The following STAT4 variants were observed in gnomAD, a reference collection of about 807,000 sequenced individuals.
STAT4 encodes the protein signal transducer and activator of transcription 4.
A neutral mutation model predicts 110.5 loss-of-function variants in STAT4; 42 were observed. The ratio of observed to expected loss-of-function variants is 0.38; its 90% confidence interval spans 0.30 to 0.49. The LOEUF (loss-of-function observed/expected upper bound fraction) is 0.49. Among genes scored for constraint, STAT4 ranks in the 20% least tolerant of loss-of-function variants. The pLI is 0.95. For missense variants in STAT4, 632 were observed against 887.9 expected, an observed-to-expected ratio of 0.71 and a Z score of 3.66; for synonymous variants, 284 against 302.2, an observed-to-expected ratio of 0.94 and a Z score of 0.63.
chr2:191,069,996 C>G (rs948942147), intron 5 of STAT4, among the ~76,000 whole-genome samples: 14 of 152,266 alleles, frequency 9.2e-5, no homozygotes, highest in Admixed American at 2.6e-4. Flanking sequence ...TTTTACTTGC[C>G]TGGAAGTCTT....
rs754410186 is a variant in STAT4, at chr2:191,131,833, T to C, written c.273+14780A>G. On this transcript the variant is annotated intron_variant, in intron 3 of 23. Transcript: ENST00000392320. The stretch of plus-strand genomic sequence containing the variant: ...AGAAGCTAAGTCCTAGGGACAAGAT[T>C]TGGACCTTTGAATGCAGGTTTCTCC... 12 of 1,442,714 alleles carry C rather than the reference T, an allele frequency of 8.3e-6. No individual in the cohort carries two copies. The Middle Eastern group carries it at 5.4e-4, about 65-fold the overall frequency. 89.4% of individuals were successfully genotyped at this position (1,442,714 alleles called of 1,614,324 possible).
At chr2:191,114,480 T>A (rs146207039) in intron 3 of STAT4, among the ~76,000 whole-genome samples, 2 of 152,322 alleles carry the variant, frequency 1.3e-5, no homozygotes, top group African/African-American at 2.4e-5. Context: ...CATTTCAGTA[T>A]CGTTTTTCTT....
intron 6 of STAT4, among the ~76,000 whole-genome samples, chr2:191,067,192 A>G (rs544540293): frequency 3.9e-5 from 6 of 152,172 alleles, no homozygotes; most frequent in Admixed American, 1.3e-4. Flanking sequence ...ATAAATAAAC[A>G]TTATATTATT....
In STAT4 at chr2:191,032,558, G is replaced by T. The variant is rs1695927230; in HGVS notation, c.2044+400C>A. Among the ~76,000 whole-genome samples, 1 of 152,084 alleles carries T rather than the reference G, an allele frequency of 6.6e-6. No homozygotes were observed. Among genetic ancestry groups the T allele is most frequent in the African/African-American group, 2.4e-5 (1 of 41,402 alleles). On this transcript the variant is annotated intron_variant, in intron 21 of 23. Coordinates refer to ENST00000392320, the MANE Select transcript of STAT4 (RefSeq NM_003151.4). This position sits in a 1 kb window ranked among gnomAD's most constrained non-coding sequence, Gnocchi z 4.9. ...AAATATAAAACTTATAAACCCTGGG[G>T]TTCCTTTGCAATATACAGACTTGTT... is the stretch of plus-strand genomic sequence containing the variant.
At chr2:191,047,630 G>A (rs1389495741) in intron 14 of STAT4, among the ~76,000 whole-genome samples, 1 of 151,996 alleles carries the variant, frequency 6.6e-6, no homozygotes, top group Non-Finnish European at 1.5e-5. Context: ...CCTCTTATAG[G>A]TCCCATCACT....
intron 3 of STAT4, among the ~76,000 whole-genome samples, chr2:191,127,824 T>C (rs944447937): frequency 2.0e-5 from 3 of 152,214 alleles, no homozygotes; most frequent in African/African-American, 7.2e-5. Flanking sequence ...AGGGAAAGGA[T>C]GAATCGTCAT....
chr2:191,033,271 G>T lies in STAT4; in HGVS notation c.1853-122C>A. On this transcript the variant is annotated intron_variant, in intron 20 of 23. Coordinates refer to ENST00000392320, the MANE Select transcript of STAT4 (RefSeq NM_003151.4). The surrounding 1 kb of genome is among the most constrained non-coding windows in gnomAD (Gnocchi z 6.9). ...ACTTGTCAGTTCATGTCACTTCAAT[G>T]TCAGACCTTCTGCTGTCTGGACAGT... is the stretch of plus-strand genomic sequence containing the variant. 1 of 1,186,828 alleles carries T rather than the reference G, an allele frequency of 8.4e-7. No individual in the cohort carries two copies. The highest frequency in any genetic ancestry group is 1.2e-6 in the Non-Finnish European group (1 of 851,138). 73.5% of individuals were successfully genotyped at this position (1,186,828 alleles called of 1,614,324 possible).
At chr2:191,127,045 C>G (rs1698900564) in intron 3 of STAT4, among the ~76,000 whole-genome samples, 1 of 151,470 alleles carries the variant, frequency 6.6e-6, no homozygotes, top group Non-Finnish European at 1.5e-5. Context: ...TGGAGGCTAA[C>G]TTTTGTGTTA....
At position 191,143,745 on chromosome 2, in the gene STAT4, A is replaced by G. The variant is rs1450739968; in HGVS notation, c.273+2868T>C. Reference sequence around the variant, plus strand: ...TGTATTTAAAATCCCAGAGGATGAAAATATTTAAACCAGATAAGCACAGCG... The same window carrying G: ...TGTATTTAAAATCCCAGAGGATGAAGATATTTAAACCAGATAAGCACAGCG... On this transcript the variant is annotated intron_variant, in intron 3 of 23. Transcript: ENST00000392320. This position sits in a 1 kb window ranked among gnomAD's most constrained non-coding sequence, Gnocchi z 5.6. Among the ~76,000 whole-genome samples, 2 of 152,172 alleles carry G rather than the reference A, an allele frequency of 1.3e-5. No individual in the cohort carries two copies. The highest frequency in any genetic ancestry group is 2.9e-5 in the Non-Finnish European group (2 of 68,036).
chr2:191,098,843 GA>G (rs1335926074), intron 3 of STAT4, among the ~76,000 whole-genome samples: 3 of 151,988 alleles, frequency 2.0e-5, no homozygotes, highest in Admixed American at 6.6e-5. Flanking sequence ...AGAATCCCTA[GA>G]AACTATACAA....
At chr2:191,041,998 C>A (rs534088400) in intron 14 of STAT4, among the ~76,000 whole-genome samples, 2 of 152,282 alleles carry the variant, frequency 1.3e-5, no homozygotes, top group Middle Eastern at 6.8e-3. Context: ...ACGGTTAAGC[C>A]CATGCTTGCC....
rs1363605177 is a variant in STAT4, at chr2:191,046,165, G to A, written c.1252-5017C>T. The stretch of plus-strand genomic sequence containing the variant: ...GAGTTCAATGGTGCAGAACATTTGA[G>A]AGGCCTCAGGCAAGTGCACAGATAG... On this transcript the variant is annotated intron_variant, in intron 14 of 23. Transcript: ENST00000392320. The surrounding 1 kb of genome is among the most constrained non-coding windows in gnomAD (Gnocchi z 4.6). Among the ~76,000 whole-genome samples the A allele has an allele frequency of 1.3e-5, 2 of 152,228 alleles. No individual in the cohort carries two copies. The highest frequency in any genetic ancestry group is 2.9e-5 in the Non-Finnish European group (2 of 68,034).
Position 191,148,140 on chromosome 2 carries a change from A to G in STAT4, c.64T>C (p.Tyr22His). Residue 22 changes from tyrosine to histidine, a missense_variant, in exon 2 of 24, where the codon TAT becomes CAT. By Grantham distance (83) the Tyr-to-His change is moderately conservative (BLOSUM62 2). Transcript: ENST00000392320. ...ATTTCCATGGGAAAGTTGTCATCAT[A>G]GAATTGATCCACCTGCTCCAAAAAC... ...IKFLEQVDQF[Y>H]DDNFPMEIRH... is the part of the protein sequence containing the mutation. The G allele has an allele frequency of 6.2e-7, 1 of 1,614,022 alleles. No homozygotes were observed. Among genetic ancestry groups the G allele is most frequent in the South Asian group, 1.1e-5 (1 of 91,074 alleles).
In STAT4 at chr2:191,142,839, T is replaced by C. The variant is rs1311787875; in HGVS notation, c.273+3774A>G. Among the ~76,000 whole-genome samples, 8 of 152,004 alleles carry C rather than the reference T, an allele frequency of 5.3e-5. No individual in the cohort carries two copies. The highest frequency in any genetic ancestry group is 1.3e-4 in the Admixed American group (2 of 15,258). On this transcript the variant is annotated intron_variant, in intron 3 of 23. Coordinates refer to ENST00000392320, the MANE Select transcript of STAT4 (RefSeq NM_003151.4). This position sits in a 1 kb window ranked among gnomAD's most constrained non-coding sequence, Gnocchi z 4.1. ...TGGGAAGCGAGAGAAGGATGAATAT[T>C]GGAGAGGACAGGAGATTTTCAGGGG...
At chr2:191,134,312 C>G (rs1203377277) in intron 3 of STAT4, among the ~76,000 whole-genome samples, 4 of 152,202 alleles carry the variant, frequency 2.6e-5, no homozygotes, top group African/African-American at 4.8e-5. Flanking sequence ...CCCGGGGGTC[C>G]AAGAACCCAC....
chr2:191,039,053 A>T lies in STAT4; in HGVS notation c.1434+146T>A, dbSNP rs1696118431. ...CATACTACTTTAAATATGACATGAG[A>T]GGAAACATACAACTAGAAATACTAC... On this transcript the variant is annotated intron_variant, in intron 16 of 23. Coordinates refer to ENST00000392320, the MANE Select transcript of STAT4 (RefSeq NM_003151.4). The surrounding 1 kb of genome is among the most constrained non-coding windows in gnomAD (Gnocchi z 4.7). 5.9e-6 allele frequency: 4 copies of T among 680,906 alleles called. No homozygotes were observed. Among genetic ancestry groups the T allele is most frequent in the Non-Finnish European group, 1.1e-5 (4 of 380,210 alleles). 42.2% of individuals were successfully genotyped at this position (680,906 alleles called of 1,614,324 possible). A position where few individuals can be genotyped will look rare whatever the true frequency, so the allele number is the denominator to read the frequency against.
chr2:191,065,826 A>C (rs960559847), intron 7 of STAT4, among the ~76,000 whole-genome samples: 1 of 152,224 alleles, frequency 6.6e-6, no homozygotes, highest in Non-Finnish European at 1.5e-5. Flanking sequence ...GTGACTGGTT[A>C]AATTTCAATT....
intron 13 of STAT4, among the ~76,000 whole-genome samples, chr2:191,056,876 G>A (rs548083818): frequency 4.8e-4 from 71 of 148,622 alleles, no homozygotes; most frequent in African/African-American, 8.3e-4. Flanking sequence ...TCCGCCTCCC[G>A]GGTTCAAGCG....
Position 191,086,918 on chromosome 2 carries a change from T to A in STAT4, c.274-10593A>T, listed in dbSNP as rs1014402733. On this transcript the variant is annotated intron_variant, in intron 3 of 23. Coordinates refer to ENST00000392320, the MANE Select transcript of STAT4 (RefSeq NM_003151.4). The surrounding 1 kb of genome is among the most constrained non-coding windows in gnomAD (Gnocchi z 5.5). ...ACTTCTCAGAAAGTTCACTTGAACA[T>A]CTGGTTTGAACTACAATCCAGAAGA... is the stretch of plus-strand genomic sequence containing the variant. Among the ~76,000 whole-genome samples the A allele has an allele frequency of 3.3e-5, 5 of 152,136 alleles. No individual in the cohort carries two copies. The highest frequency in any genetic ancestry group is 1.2e-4 in the African/African-American group (5 of 41,416).
Sources: gnomAD v4.1 joint callset for allele counts (sites outside exome capture counted in the v4.1 genomes callset) on GRCh38, gnomAD v4.1.1 for gene constraint, Gnocchi (gnomAD v3.1) non-coding constraint, MANE v1.5 for transcripts, NCBI Gene and HGNC (gene_info 2026-07-23, HGNC 2026-07-21) for gene names.